Variants in CCDC148 observed in about 807,000 individuals in gnomAD.
The protein encoded by CCDC148 is coiled-coil domain containing 148, also known as coiled-coil domain-containing protein 148.
In CCDC148, 89 loss-of-function variants were observed where a neutral mutation model predicts 85.7. The ratio of observed to expected loss-of-function variants is 1.04; its 90% confidence interval spans 0.87 to 1.24. The LOEUF (loss-of-function observed/expected upper bound fraction) is 1.24, where lower values mean the gene tolerates loss of function less well. CCDC148 is among the 50% of genes most tolerant of loss of function. The pLI is 0.00. For missense variants in CCDC148, 692 were observed against 671.7 expected, an observed-to-expected ratio of 1.03 and a Z score of -0.33; for synonymous variants, 230 against 213.9, an observed-to-expected ratio of 1.08 and a Z score of -0.66.
At chr2:158,190,349 C>T (rs1331595695) in intron 11 of CCDC148, among the ~76,000 whole-genome samples, 4 of 151,934 alleles carry the variant, frequency 2.6e-5, no homozygotes, top group Non-Finnish European at 5.9e-5. Flanking sequence ...GCCCAATTGC[C>T]TCTAATACAT....
intron 1 of CCDC148, among the ~76,000 whole-genome samples, chr2:158,401,598 G>A (rs1003405332): frequency 5.3e-5 from 8 of 152,112 alleles, no homozygotes; most frequent in Admixed American, 2.0e-4. Context: ...ATGTAAATAT[G>A]AGTTGATGGG....
intron 13 of CCDC148, 34 bp from the exon 14 acceptor site, chr2:158,172,293 T>C: frequency 6.8e-7 from 1 of 1,462,838 alleles, no homozygotes; most frequent in Non-Finnish European, 9.4e-7. Context: ...AAATAACAAT[T>C]CATTGAACTA....
At chr2:158,350,254 A>G (rs1326112657) in intron 2 of CCDC148, among the ~76,000 whole-genome samples, 1 of 152,220 alleles carries the variant, frequency 6.6e-6, no homozygotes, top group Non-Finnish European at 1.5e-5. Flanking sequence ...TGATGCTTTC[A>G]TAATGAGTCT....
At chr2:158,416,855 G>T (rs1406248740) in intron 1 of CCDC148, among the ~76,000 whole-genome samples, 1 of 152,136 alleles carries the variant, frequency 6.6e-6, no homozygotes, top group African/African-American at 2.4e-5. Context: ...TTGCTATAAA[G>T]AACTACTGGA....
intron 10 of CCDC148, among the ~76,000 whole-genome samples, chr2:158,223,311 G>A (rs1687298164): frequency 1.3e-5 from 2 of 152,170 alleles, no homozygotes; most frequent in African/African-American, 4.8e-5. Flanking sequence ...GGTAAACAAA[G>A]CAGCCCAGAA....
At chr2:158,198,960 G>A (rs1162547229) in intron 11 of CCDC148, among the ~76,000 whole-genome samples, 2 of 152,130 alleles carry the variant, frequency 1.3e-5, no homozygotes, top group Non-Finnish European at 2.9e-5. Context: ...TTTTAAGGGA[G>A]GAGACCAAAA....
chr2:158,373,275 T>C (rs538898020), intron 1 of CCDC148, among the ~76,000 whole-genome samples: 39 of 152,120 alleles, frequency 2.6e-4, no homozygotes, highest in African/African-American at 9.4e-4. Flanking sequence ...GATTCTCCCC[T>C]AGAGGCTCCA....
At chr2:158,280,512 G>C (rs1297688654) in intron 9 of CCDC148, among the ~76,000 whole-genome samples, 1 of 152,126 alleles carries the variant, frequency 6.6e-6, no homozygotes, top group East Asian at 1.9e-4. Context: ...AACCAACAAA[G>C]ATCAAAAGAG....
intron 3 of CCDC148, among the ~76,000 whole-genome samples, chr2:158,341,827 A>G (rs1360952695): frequency 6.6e-6 from 1 of 151,142 alleles, no homozygotes; most frequent in Non-Finnish European, 1.5e-5. Flanking sequence ...ATTTTTCCAG[A>G]TAAGTTTCTA....
At chr2:158,312,726 T>C (rs760398557) in intron 8 of CCDC148, among the ~76,000 whole-genome samples, 8 of 152,002 alleles carry the variant, frequency 5.3e-5, no homozygotes, top group African/African-American at 7.2e-5. Context: ...AAAGGAAAGA[T>C]CTAATTTAAT....
At position 158,309,147 on chromosome 2, in the gene CCDC148, C is replaced by T. The variant is rs138713019; in HGVS notation, c.1110+286G>A. On this transcript the variant is annotated intron_variant, in intron 9 of 13. Coordinates refer to ENST00000283233, the MANE Select transcript of CCDC148 (RefSeq NM_138803.4). ...ATTACACTTGCATTTTTGTCTAGCA[C>T]CTCAGTCTGATGTGCACATCTATGG... is the stretch of plus-strand genomic sequence containing the variant. Among the ~76,000 whole-genome samples the T allele has an allele frequency of 1.4e-4, 22 of 152,218 alleles. No individual in the cohort carries two copies. In the East Asian group the frequency reaches 3.9e-3, roughly 27 times the overall value.
At chr2:158,172,914 G>T (rs1049955793) in intron 13 of CCDC148, among the ~76,000 whole-genome samples, 2 of 151,974 alleles carry the variant, frequency 1.3e-5, no homozygotes, top group Non-Finnish European at 2.9e-5. Context: ...TGATAAGAAG[G>T]TGGCCACATA....
chr2:158,262,294 CT>C (rs1689264449), intron 9 of CCDC148, among the ~76,000 whole-genome samples: 2 of 152,020 alleles, frequency 1.3e-5, no homozygotes, highest in South Asian at 4.1e-4. Context: ...ATAACTTATC[CT>C]TTAGCTAAAG....
intron 5 of CCDC148, 123 bp from the exon 6 acceptor site, chr2:158,339,208 G>C: frequency 4.1e-6 from 3 of 729,400 alleles, no homozygotes; most frequent in Non-Finnish European, 6.9e-6. Context: ...CTGTGGAAGA[G>C]AGTTAAAGAG....
intron 11 of CCDC148, among the ~76,000 whole-genome samples, chr2:158,205,952 A>G (rs1686220248): frequency 6.6e-6 from 1 of 152,116 alleles, no homozygotes; most frequent in African/African-American, 2.4e-5. Flanking sequence ...CTGCAGCACA[A>G]TCATGCCTTC....
intron 7 of CCDC148, among the ~76,000 whole-genome samples, chr2:158,316,365 C>T (rs988655539): frequency 5.9e-5 from 9 of 152,092 alleles, no homozygotes; most frequent in East Asian, 1.9e-4. Flanking sequence ...TAATTAGCTG[C>T]CATTTTAGTG....
chr2:158,406,855 T>C (rs1240578409), intron 1 of CCDC148, among the ~76,000 whole-genome samples: 1 of 151,986 alleles, frequency 6.6e-6, no homozygotes, highest in Non-Finnish European at 1.5e-5. Context: ...ACTCCTGAAC[T>C]CCAGTGAGTC....
At chr2:158,421,455 T>C (rs7583673) in intron 1 of CCDC148, among the ~76,000 whole-genome samples, 52,192 of 151,946 alleles carry the variant, frequency 0.34, 10,195 homozygotes, top group Middle Eastern at 0.47. Context: ...TGCTCAACTA[T>C]TTGGAAACTG....
At chr2:158,373,049 T>A (rs1684514958) in intron 1 of CCDC148, among the ~76,000 whole-genome samples, 1 of 152,008 alleles carries the variant, frequency 6.6e-6, no homozygotes, top group African/African-American at 2.4e-5. Flanking sequence ...TGATGTTATA[T>A]AAAAGAGTAG....
Sources: allele counts gnomAD v4.1 joint callset (sites outside exome capture counted in the v4.1 genomes callset), GRCh38; gene constraint gnomAD v4.1.1; transcripts MANE v1.5; gene names NCBI Gene and HGNC (gene_info 2026-07-23, HGNC 2026-07-21).